The following MAPK12 variants were observed in gnomAD, a reference collection of about 807,000 sequenced individuals.
MAPK12 encodes mitogen-activated protein kinase 12, also known as MAP kinase 12.
Under a neutral mutation model 49.1 loss-of-function variants are expected in MAPK12, and 49 were observed. The observed-to-expected ratio is 1.00, with a 90% CI of 0.79 to 1.27. The LOEUF (loss-of-function observed/expected upper bound fraction) is 1.27. Among genes scored for constraint, MAPK12 ranks in the 50% most tolerant of loss-of-function variants. The pLI is 0.00. For missense variants in MAPK12, 554 were observed against 502.4 expected (o/e 1.10, Z -0.98); for synonymous variants, 251 against 209.7 (o/e 1.20, Z -1.70).
intron 6 of MAPK12, 42 bp downstream of exon 6, chr22:50,256,557 G>A (rs750399960): frequency 1.3e-6 from 2 of 1,596,618 alleles, no homozygotes; most frequent in Non-Finnish European, 1.7e-6. Flanking sequence ...TCCAGAGGGG[G>A]CCCCTGCCCC....
At chr22:50,253,575 G>T in intron 11 of MAPK12, 95 bp from the exon 12 acceptor site, 1 of 704,982 alleles carries the variant, frequency 1.4e-6, no homozygotes, top group Non-Finnish European at 2.6e-6. Flanking sequence ...GCGGTGCCTC[G>T]TGGGGCCCTT....
In MAPK12 at chr22:50,261,492, GGGC is replaced by G; in HGVS notation, c.15_17del (p.Pro6del). ...CCTGGCGGTAAAAGCCACTGCGGGC[GGGC>G]GGCGGAGAGCTCATGGCAGGCCCGG... On this transcript the variant is annotated inframe_deletion, in exon 1 of 12. Transcript: ENST00000215659. 1 of 1,251,444 alleles carries G rather than the reference GGGC, an allele frequency of 8.0e-7. No individual in the cohort carries two copies. The highest frequency in any genetic ancestry group is 1.0e-6 in the Non-Finnish European group (1 of 974,244). The allele number at this position is 1,251,444 out of a possible 1,614,324, so 77.5% of individuals were successfully genotyped here. A position where few individuals can be genotyped will look rare whatever the true frequency, so the allele number is the denominator to read the frequency against.
In MAPK12 at chr22:50,261,483, A is replaced by C; in HGVS notation, c.27T>G (p.Ser9Arg). ...TGGTCACCTCCTGGCGGTAAAAGCC[A>C]CTGCGGGCGGGCGGCGGAGAGCTCA... MSSPPPAR[S>R]GFYRQEVTKT... Residue 9 changes from serine to arginine, a missense_variant, in exon 1 of 12, where the codon AGT becomes AGG. By Grantham distance (110) the Ser-to-Arg change is moderately radical. Coordinates refer to ENST00000215659, the MANE Select transcript of MAPK12 (RefSeq NM_002969.6). The C allele has an allele frequency of 1.6e-6, 2 of 1,262,344 alleles. No individual in the cohort carries two copies. Among genetic ancestry groups the C allele is most frequent in the Non-Finnish European group, 2.0e-6 (2 of 980,066 alleles). The allele number at this position is 1,262,344 out of a possible 1,614,324, so 78.2% of individuals were successfully genotyped here. A position where few individuals can be genotyped will look rare whatever the true frequency, so the allele number is the denominator to read the frequency against.
At chr22:50,253,880 G>A (rs910124446) in intron 11 of MAPK12, 3 of 205,094 alleles carry the variant, frequency 1.5e-5, no homozygotes, top group East Asian at 1.4e-4. Flanking sequence ...GCCCTGCTGC[G>A]GGCACCCAGG....
Position 50,261,518 on chromosome 22 carries a change from C to G in MAPK12, c.-9G>C. The G allele has an allele frequency of 1.7e-6, 2 of 1,154,518 alleles. No individual in the cohort carries two copies. Among genetic ancestry groups the G allele is most frequent in the Non-Finnish European group, 2.2e-6 (2 of 922,456 alleles). The allele number at this position is 1,154,518 out of a possible 1,614,324, so 71.5% of individuals were successfully genotyped here. ...GGCGGCGGAGAGCTCATGGCAGGCC[C>G]GGGAGCTGCCCACCCCGCAGAGCCT... On this transcript the variant is annotated 5_prime_UTR_variant, in exon 1 of 12. Coordinates refer to ENST00000215659, the MANE Select transcript of MAPK12 (RefSeq NM_002969.6).
At chr22:50,256,558 C>G in intron 6 of MAPK12, 41 bp downstream of exon 6, 1 of 1,597,388 alleles carries the variant, frequency 6.3e-7, no homozygotes. Flanking sequence ...CCAGAGGGGG[C>G]CCCTGCCCCA....
At chr22:50,261,363 G>A in intron 1 of MAPK12, 22 bp downstream of exon 1, 1 of 1,128,754 alleles carries the variant, frequency 8.9e-7, no homozygotes, top group African/African-American at 1.7e-5. Flanking sequence ...CCCGCCGGCC[G>A]CCCCGCCCGG....
At chr22:50,258,944 G>C (rs990252701) in intron 2 of MAPK12, among the ~76,000 whole-genome samples, 8 of 152,224 alleles carry the variant, frequency 5.3e-5, no homozygotes, top group Admixed American at 1.3e-4. Flanking sequence ...AGCACACTTG[G>C]ATAGTTTGAA....
At position 50,253,494 on chromosome 22, in the gene MAPK12, G is replaced by T; in HGVS notation, c.1025-14C>A. ...TGTAAGTAACACCTGGCGGGGGTGG[G>T]GGGGCGGGCACAACAGAGAGGGGGG... On this transcript the variant is annotated splice_polypyrimidine_tract_variant and intron_variant, in intron 11 of 11. Coordinates refer to ENST00000215659, the MANE Select transcript of MAPK12 (RefSeq NM_002969.6). 1 of 485,378 alleles carries T rather than the reference G, an allele frequency of 2.1e-6. No individual in the cohort carries two copies. The highest frequency in any genetic ancestry group is 4.1e-6 in the Non-Finnish European group (1 of 241,226). 30.1% of individuals were successfully genotyped at this position (485,378 alleles called of 1,614,324 possible).
chr22:50,256,846 G>C, intron 5 of MAPK12, 89 bp downstream of exon 5: 1 of 1,556,984 alleles, frequency 6.4e-7, no homozygotes, highest in South Asian at 1.2e-5. Context: ...TCAGCACCCA[G>C]ACCCCATCAC....
intron 2 of MAPK12, among the ~76,000 whole-genome samples, chr22:50,260,525 C>T (rs1294974752): frequency 6.6e-6 from 1 of 152,158 alleles, no homozygotes; most frequent in Non-Finnish European, 1.5e-5. Flanking sequence ...CTGTACGTGG[C>T]ATCTCACTGG....
At position 50,256,083 on chromosome 22, in the gene MAPK12, A is replaced by G. The variant is rs2065147353; in HGVS notation, c.619+2T>C. 1 of 1,610,800 alleles carries G rather than the reference A, an allele frequency of 6.2e-7. No individual in the cohort carries two copies. Among genetic ancestry groups the G allele is most frequent in the Non-Finnish European group, 8.5e-7 (1 of 1,178,786 alleles). On this transcript the variant is annotated splice_donor_variant, in intron 7 of 11. Coordinates refer to ENST00000215659, the MANE Select transcript of MAPK12 (RefSeq NM_002969.6). LOFTEE classifies it high-confidence loss of function. ...GGCCCAGATCTCTGGGCAGCTTCTC[A>G]CCCGTCTGCGTGTAGCGCATCCAAT...
At chr22:50,258,980 C>T (rs1283596113) in intron 2 of MAPK12, among the ~76,000 whole-genome samples, 1 of 152,004 alleles carries the variant, frequency 6.6e-6, no homozygotes, top group Non-Finnish European at 1.5e-5. Flanking sequence ...GGCCAGGTGG[C>T]GGAGGCCCAG....
In MAPK12 at chr22:50,261,391, G is replaced by A; in HGVS notation, c.119C>T (p.Ala40Val). Residue 40 changes from alanine (A) to valine (V), a missense_variant, in exon 1 of 12, where the codon GCG (alanine) becomes GTG (valine). By Grantham distance (64) the Ala-to-Val change is moderately conservative. Transcript: ENST00000215659. ...CCGCCCGGCCCGCGCTCACCACACC[G>A]CGCCGTAGGCGCCCGAGCCCACGGG... ...LQPVGSGAYG[A>V]VCSAVDGRTG... The A allele has an allele frequency of 8.4e-7, 1 of 1,196,994 alleles. No homozygotes were observed. The highest frequency in any genetic ancestry group is 1.1e-6 in the Non-Finnish European group (1 of 948,220). The allele number at this position is 1,196,994 out of a possible 1,614,324, so 74.1% of individuals were successfully genotyped here.
chr22:50,258,061 G>T (rs906823017), intron 3 of MAPK12, 182 bp downstream of exon 3: 5 of 724,908 alleles, frequency 6.9e-6, no homozygotes, highest in Non-Finnish European at 1.3e-5. Context: ...AGTGCCCGTG[G>T]GTCCCAGGAC....
At chr22:50,258,201 A>G in intron 3 of MAPK12, 42 bp downstream of exon 3, 11 of 1,602,192 alleles carry the variant, frequency 6.9e-6, no homozygotes, top group Non-Finnish European at 9.4e-6. Context: ...AGAGCTGCCC[A>G]ACACCCCTCG....
At position 50,261,609 on chromosome 22, in the gene MAPK12, C is replaced by G; in HGVS notation, c.-100G>C. On this transcript the variant is annotated 5_prime_UTR_variant, in exon 1 of 12. Transcript: ENST00000215659. ...CGCGCGCCTCGGGCCGGCTCCGCGCCGCTCGTCCGCTCGCCCGCCCGCCCG... is the reference window on the plus strand; with the variant it reads ...CGCGCGCCTCGGGCCGGCTCCGCGCGGCTCGTCCGCTCGCCCGCCCGCCCG... 6 of 1,000,034 alleles carry G rather than the reference C, an allele frequency of 6.0e-6. No individual in the cohort carries two copies. Among genetic ancestry groups the G allele is most frequent in the Non-Finnish European group, 7.1e-6 (6 of 840,822 alleles). The allele number at this position is 1,000,034 out of a possible 1,614,324, so 61.9% of individuals were successfully genotyped here.
rs539479452 is a variant in MAPK12 at position 50,260,673 on chromosome 22, G to A, written c.255+494C>T. Among the ~76,000 whole-genome samples, 473 of 152,254 alleles carry A rather than the reference G, an allele frequency of 3.1e-3. 2 individuals carry two copies. Among genetic ancestry groups the A allele is most frequent in the African/African-American group, 0.011 (440 of 41,556 alleles). On this transcript the variant is annotated intron_variant, in intron 2 of 11. Transcript: ENST00000215659. Reference sequence around the variant, plus strand: ...CCTGAGGGTTCAACACACTCCCTGCGTTCTGGCGCCCCCCTCCTCCCCCTC... The same window carrying A: ...CCTGAGGGTTCAACACACTCCCTGCATTCTGGCGCCCCCCTCCTCCCCCTC...
chr22:50,255,970 C>A, intron 7 of MAPK12, 89 bp from the exon 8 acceptor site: 1 of 1,503,438 alleles, frequency 6.7e-7, no homozygotes, highest in South Asian at 1.2e-5. Context: ...ACCTGCCCGG[C>A]TCCCACCCCA....
Sources: allele counts gnomAD v4.1 joint callset (sites outside exome capture counted in the v4.1 genomes callset), GRCh38; gene constraint gnomAD v4.1.1; transcripts MANE v1.5; gene names NCBI Gene and HGNC (gene_info 2026-07-23, HGNC 2026-07-21).